Variants in C6 observed in about 807,000 individuals in gnomAD.
C6 encodes the protein complement C6, also known as complement component C6.
In C6, 101 loss-of-function variants were observed where a neutral mutation model predicts 112.9. The observed-to-expected ratio is 0.89, with a 90% CI of 0.76 to 1.06. The LOEUF is 1.06. C6 is among the 50% of genes least tolerant of loss of function. C6 has a pLI of 0.00. For missense variants in C6, 1,202 were observed against 1,104.6 expected (o/e 1.09, Z -1.25); for synonymous variants, 431 against 384.1 (o/e 1.12, Z -1.43).
At chr5:41,258,946 C>T (rs766495335) in intron 1 of C6, among the ~76,000 whole-genome samples, 1 of 152,178 alleles carries the variant, frequency 6.6e-6, no homozygotes, top group Non-Finnish European at 1.5e-5. Context: ...CCACCCTTGA[C>T]ATGTGGGGAT....
intron 7 of C6, among the ~76,000 whole-genome samples, chr5:41,180,031 CTATTCATCTGCAA>C (rs1580126449): frequency 6.6e-6 from 1 of 152,130 alleles, no homozygotes; most frequent in East Asian, 1.9e-4. Flanking sequence ...GAATTTCAAT[CTATTCATCTGCAA>C]AATGATGTTT....
chr5:41,258,613 A>C (rs1207653567), intron 1 of C6, among the ~76,000 whole-genome samples: 1 of 152,212 alleles, frequency 6.6e-6, no homozygotes, highest in African/African-American at 2.4e-5. Context: ...TCTTAGAGGG[A>C]AAGACCTGTT....
At chr5:41,158,582 G>A (rs998948233) in intron 13 of C6, 92 bp downstream of exon 13, 8 of 752,936 alleles carry the variant, frequency 1.1e-5, no homozygotes, top group East Asian at 2.6e-5. Flanking sequence ...GAGATTATTC[G>A]AATAGGAAAA....
chr5:41,223,436 C>A (rs1038890570), intron 1 of C6, among the ~76,000 whole-genome samples: 1 of 152,150 alleles, frequency 6.6e-6, no homozygotes, highest in Admixed American at 6.6e-5. Flanking sequence ...CCCAGGGTAC[C>A]AAGCAAAACT....
At chr5:41,236,952 T>C (rs1302875379) in intron 1 of C6, among the ~76,000 whole-genome samples, 2 of 151,546 alleles carry the variant, frequency 1.3e-5, no homozygotes, top group Non-Finnish European at 2.9e-5. Context: ...CAAACACCTC[T>C]ATGCAAATAA....
At position 41,222,178 on chromosome 5, in the gene C6, C is replaced by CA. The variant is rs540497553; in HGVS notation, c.-20-18929dup. Reference sequence around the variant, plus strand: ...GAGACTCCATCTCAAAAAAAAAAAACAAAAAAAAGAAAAGTAATTTTGTAA... The same window carrying CA: ...GAGACTCCATCTCAAAAAAAAAAAACAAAAAAAAAGAAAAGTAATTTTGTAA... On this transcript the variant is annotated intron_variant, in intron 1 of 17. Coordinates refer to the C6 transcript ENST00000263413. Among the ~76,000 whole-genome samples the CA allele has an allele frequency of 7.8e-3, 1,141 of 146,406 alleles. 7 individuals carry two copies. Among genetic ancestry groups the CA allele is most frequent in the Non-Finnish European group, 0.012 (766 of 66,376 alleles).
intron 1 of C6, among the ~76,000 whole-genome samples, chr5:41,204,809 A>G (rs1042811741): frequency 2.4e-4 from 37 of 151,756 alleles, no homozygotes; most frequent in African/African-American, 8.5e-4. Flanking sequence ...AGGTGGGACT[A>G]CAGGTGCTCA....
chr5:41,219,127 G>C (rs1489448981), intron 1 of C6, among the ~76,000 whole-genome samples: 1 of 152,030 alleles, frequency 6.6e-6, no homozygotes, highest in Non-Finnish European at 1.5e-5. Context: ...TGTGCTGGCT[G>C]ATGCCAGCCC....
At chr5:41,257,604 C>G (rs1741799894) in intron 1 of C6, among the ~76,000 whole-genome samples, 4 of 152,098 alleles carry the variant, frequency 2.6e-5, no homozygotes. Context: ...AGGCTTCAGG[C>G]TTCTTTAGCT....
intron 3 of C6, among the ~76,000 whole-genome samples, chr5:41,200,792 A>G (rs1183420976): frequency 6.6e-6 from 1 of 151,550 alleles, no homozygotes; most frequent in Non-Finnish European, 1.5e-5. Context: ...GGGAATGTAG[A>G]GGAAGGGCAA....
chr5:41,225,379 C>T (rs1188357692), intron 1 of C6, among the ~76,000 whole-genome samples: 2 of 152,114 alleles, frequency 1.3e-5, no homozygotes, highest in Non-Finnish European at 2.9e-5. Flanking sequence ...TATCCATATC[C>T]CTACAAAGGA....
At chr5:41,246,930 G>T (rs1002793250) in intron 1 of C6, among the ~76,000 whole-genome samples, 6 of 152,068 alleles carry the variant, frequency 3.9e-5, no homozygotes, top group African/African-American at 1.4e-4. Flanking sequence ...AATTTATATG[G>T]TTATAAAATC....
intron 8 of C6, among the ~76,000 whole-genome samples, chr5:41,175,575 A>G (rs1371465749): frequency 5.3e-5 from 8 of 152,190 alleles, no homozygotes; most frequent in African/African-American, 1.9e-4. Context: ...CTAATAGTTG[A>G]TTAAAGATTC....
At chr5:41,203,357 T>G in intron 1 of C6, 107 bp from the exon 2 acceptor site, 2 of 1,181,644 alleles carry the variant, frequency 1.7e-6, no homozygotes, top group East Asian at 4.9e-5. Context: ...ATATTTGCAT[T>G]TTTCTGCCTT....
rs371168190 is a variant in C6, at chr5:41,258,076, C to T, written c.-21+3118G>A. Among the ~76,000 whole-genome samples, 672 of 152,202 alleles carry T rather than the reference C, an allele frequency of 4.4e-3. 10 individuals are homozygous for T. The highest frequency in any genetic ancestry group is 0.016 in the African/African-American group (648 of 41,540). ...AACAACAAAGAAAAAACCCACCAGGCATGGTCTTCACAAGCAAAAATTAAA... is the reference window on the plus strand; with the variant it reads ...AACAACAAAGAAAAAACCCACCAGGTATGGTCTTCACAAGCAAAAATTAAA... On this transcript the variant is annotated intron_variant, in intron 1 of 17. Coordinates refer to the C6 transcript ENST00000263413.
In C6 at chr5:41,142,759, A is replaced by G; in HGVS notation, c.*66T>C. 8.0e-7 allele frequency: 1 copy of G among 1,250,952 alleles called. No individual in the cohort carries two copies. The highest frequency in any genetic ancestry group is 1.2e-5 in the South Asian group (1 of 83,838). 77.5% of individuals were successfully genotyped at this position (1,250,952 alleles called of 1,614,324 possible). On this transcript the variant is annotated 3_prime_UTR_variant, in exon 18 of 18. Transcript: ENST00000337836. ...GTCTGCTGTTTGTGCAAGAATTCTC[A>G]TTTGTAGGAGTTGGTTCTTCGGGAT... is the stretch of plus-strand genomic sequence containing the variant.
chr5:41,214,578 A>G (rs1190756171), upstream of C6, among the ~76,000 whole-genome samples: 1 of 152,198 alleles, frequency 6.6e-6, no homozygotes. Context: ...GGTGTGCTGC[A>G]GACCAGTGTT....
chr5:41,161,961 G>A, intron 9 of C6, 102 bp from the exon 10 acceptor site: 2 of 1,108,194 alleles, frequency 1.8e-6, no homozygotes, highest in Non-Finnish European at 2.7e-6. Flanking sequence ...AGAAGTAGAT[G>A]GTACAGTATG....
Position 41,142,166 on chromosome 5 carries a change from G to A in C6, c.*659C>T, listed in dbSNP as rs1171654955. On this transcript the variant is annotated 3_prime_UTR_variant, in exon 18 of 18. Transcript: ENST00000337836. ...TATGGAATATTTCCTTGCATAAGAT[G>A]ATAATTAAGGATGGGACTCACCCTT... 2.0e-5 allele frequency: 3 copies of A among 152,566 alleles called. No individual in the cohort carries two copies. The highest frequency in any genetic ancestry group is 4.4e-5 in the Non-Finnish European group (3 of 68,360). 9.5% of individuals were successfully genotyped at this position (152,566 alleles called of 1,614,324 possible).
Sources: allele counts gnomAD v4.1 joint callset (sites outside exome capture counted in the v4.1 genomes callset), GRCh38; gene constraint gnomAD v4.1.1; transcripts MANE v1.5; gene names NCBI Gene and HGNC (gene_info 2026-07-23, HGNC 2026-07-21).